Variants in VPS13B observed in about 807,000 individuals in gnomAD.
VPS13B encodes intermembrane lipid transfer protein VPS13B.
VPS13B carries 285 observed loss-of-function variants against 426.4 expected under a neutral mutation model. That is an observed-to-expected ratio of 0.67 (90% confidence interval 0.61 to 0.74). VPS13B has a LOEUF of 0.74. VPS13B is among the 30% of genes least tolerant of loss of function. VPS13B has a pLI of 0.00. For synonymous variants in VPS13B, 1,676 were observed against 1,676.4 expected (o/e 1.00, Z 0.01); for missense variants, 4,537 against 4,782.6 (o/e 0.95, Z 1.51).
At chr8:99,068,758 A>C (rs1844688379) in intron 3 of VPS13B, among the ~76,000 whole-genome samples, 1 of 152,100 alleles carries the variant, frequency 6.6e-6, no homozygotes, top group Non-Finnish European at 1.5e-5. Context: ...TCTCATGAGA[A>C]CTCACTCACT....
rs376523753 is a variant in VPS13B at position 99,319,972 on chromosome 8, C to T, written c.2824+44718C>T. Among the ~76,000 whole-genome samples the T allele has an allele frequency of 1.8e-4, 27 of 152,204 alleles. No individual in the cohort carries two copies. The South Asian group carries it at 4.2e-3, about 23-fold the overall frequency. On this transcript the variant is annotated intron_variant, in intron 19 of 61. Transcript: ENST00000357162. ...ATCACTAGTAGACACTTAATAAATA[C>T]GTGCTTACTCTTGTTATTTAACTCC...
chr8:99,399,674 T>C (rs1037051257), intron 21 of VPS13B, among the ~76,000 whole-genome samples: 2 of 152,196 alleles, frequency 1.3e-5, no homozygotes, highest in Non-Finnish European at 2.9e-5. Flanking sequence ...TTACCACATA[T>C]TTGAATTTCT....
In VPS13B at chr8:99,440,652, A is replaced by G. The variant is rs754846394; in HGVS notation, c.3211-1749A>G. 9.2e-5 allele frequency among the ~76,000 whole-genome samples: 14 copies of G among 152,084 alleles called. 1 individual carries two copies. The highest frequency in any genetic ancestry group is 1.6e-4 in the Non-Finnish European group (11 of 67,950). On this transcript the variant is annotated intron_variant, in intron 22 of 61. Transcript: ENST00000357162. ...GAGTTGTTATGTATCTGATGCTACT[A>G]TACTGTTGATTCTGTTTATGTTGCT...
intron 31 of VPS13B, among the ~76,000 whole-genome samples, chr8:99,575,035 A>G (rs1211033144): frequency 1.3e-5 from 2 of 152,088 alleles, no homozygotes; most frequent in Non-Finnish European, 2.9e-5. Context: ...GCATGGTGGT[A>G]CATTCCTGTG....
intron 2 of VPS13B, among the ~76,000 whole-genome samples, chr8:99,026,903 G>A (rs1006234854): frequency 2.0e-5 from 3 of 152,020 alleles, no homozygotes; most frequent in African/African-American, 7.2e-5. Context: ...CCGAGACGGA[G>A]TCTCACTCTG....
intron 19 of VPS13B, among the ~76,000 whole-genome samples, chr8:99,377,948 G>C (rs564882472): frequency 6.6e-6 from 1 of 152,288 alleles, no homozygotes; most frequent in South Asian, 2.1e-4. Context: ...GTGTCCCGCT[G>C]TGCACTCATT....
intron 17 of VPS13B, among the ~76,000 whole-genome samples, chr8:99,212,262 C>G (rs374986867): frequency 1.1e-4 from 16 of 152,200 alleles, no homozygotes; most frequent in Non-Finnish European, 2.1e-4. Flanking sequence ...TTTAGCCAAT[C>G]GAAACATTCC....
At chr8:99,792,020 C>G (rs940623021) in intron 43 of VPS13B, among the ~76,000 whole-genome samples, 2 of 152,122 alleles carry the variant, frequency 1.3e-5, no homozygotes, top group Non-Finnish European at 2.9e-5. Flanking sequence ...CCCAACTGTT[C>G]AGCTGACTGC....
intron 27 of VPS13B, among the ~76,000 whole-genome samples, 156 bp downstream of exon 27, chr8:99,503,106 A>G (rs1204671000): frequency 1.3e-5 from 2 of 152,366 alleles, no homozygotes; most frequent in South Asian, 4.1e-4. Flanking sequence ...CTATTCCAAT[A>G]AAGTGAATAT....
At chr8:99,499,859 T>C (rs1319131416) in intron 25 of VPS13B, among the ~76,000 whole-genome samples, 1 of 152,160 alleles carries the variant, frequency 6.6e-6, no homozygotes, top group African/African-American at 2.4e-5. Context: ...GGTGCCTAAG[T>C]GTTCTTGCAG....
chr8:99,183,155 A>G (rs535649976), intron 16 of VPS13B, among the ~76,000 whole-genome samples: 89 of 152,320 alleles, frequency 5.8e-4, no homozygotes, highest in African/African-American at 2.1e-3. Context: ...GGTTTTTAAT[A>G]CAAAGATATG....
intron 2 of VPS13B, among the ~76,000 whole-genome samples, chr8:99,018,693 A>T (rs549998919): frequency 5.9e-5 from 9 of 152,306 alleles, no homozygotes; most frequent in Admixed American, 1.3e-4. Context: ...TCAGTGGGAA[A>T]GTATTCAATG....
At chr8:99,732,697 C>G (rs1230455696) in intron 39 of VPS13B, among the ~76,000 whole-genome samples, 1 of 152,236 alleles carries the variant, frequency 6.6e-6, no homozygotes, top group Non-Finnish European at 1.5e-5. Context: ...AGTAAGAAAA[C>G]TCGCTTTCCA....
At chr8:99,095,983 G>A (rs1846395163) in intron 3 of VPS13B, among the ~76,000 whole-genome samples, 1 of 152,100 alleles carries the variant, frequency 6.6e-6, no homozygotes, top group South Asian at 2.1e-4. Context: ...CATAGAGATG[G>A]ATGTTGTTTA....
intron 21 of VPS13B, among the ~76,000 whole-genome samples, chr8:99,409,389 C>G (rs1224134961): frequency 6.6e-6 from 1 of 152,046 alleles, no homozygotes; most frequent in African/African-American, 2.4e-5. Context: ...AATTAGGTGG[C>G]AAGGCTGTGA....
Position 99,819,956 on chromosome 8 carries a change from G to A in VPS13B, c.8828G>A (p.Arg2943Gln), listed in dbSNP as rs777528760. ...EQLSQWDSPM[R>Q]VKLSIWKPYV... The stretch of plus-strand genomic sequence containing the variant: ...CTAAGTCAGTGGGATAGCCCAATGC[G>A]AGTGAAGCTGTCAATCTGGAAGCCA... The change falls in exon 49 of 62, where the codon CGA becomes CAA. Residue 2943 changes from arginine (R) to glutamine (Q), a missense_variant. By Grantham distance (43) the Arg-to-Gln change is conservative (BLOSUM62 1). Coordinates refer to ENST00000357162, the MANE Select transcript of VPS13B (RefSeq NM_152564.5). 37 of 1,613,884 alleles carry A rather than the reference G, an allele frequency of 2.3e-5. 2 individuals carry two copies. The East Asian group carries it at 5.6e-4, about 24-fold the overall frequency.
intron 19 of VPS13B, among the ~76,000 whole-genome samples, chr8:99,300,329 G>A (rs944366571): frequency 1.3e-5 from 2 of 152,108 alleles, no homozygotes; most frequent in African/African-American, 2.4e-5. Context: ...TAAACAGCAG[G>A]TTACTTATTC....
chr8:99,091,471 T>C (rs1846144551), intron 3 of VPS13B, among the ~76,000 whole-genome samples: 1 of 152,188 alleles, frequency 6.6e-6, no homozygotes, highest in Non-Finnish European at 1.5e-5. Flanking sequence ...GCCTCCCTTG[T>C]GGACTAAAGT....
chr8:99,602,892 A>G (rs978774134), intron 33 of VPS13B, among the ~76,000 whole-genome samples: 1 of 152,250 alleles, frequency 6.6e-6, no homozygotes, highest in African/African-American at 2.4e-5. Context: ...ACACAAACAA[A>G]TGGAAAAACA....
Sources: allele counts gnomAD v4.1 joint callset (sites outside exome capture counted in the v4.1 genomes callset), GRCh38; gene constraint gnomAD v4.1.1; transcripts MANE v1.5; gene names NCBI Gene and HGNC (gene_info 2026-07-23, HGNC 2026-07-21).